The following KCNK1 variants were observed in gnomAD, a reference collection of about 807,000 sequenced individuals.
KCNK1 encodes potassium two pore domain channel subfamily K member 1, also known as potassium channel subfamily K member 1.
Under a neutral mutation model 22.2 loss-of-function variants are expected in KCNK1, and 10 were observed. That is an observed-to-expected ratio of 0.45 (90% CI 0.28 to 0.76). The LOEUF is 0.76. Among genes scored for constraint, KCNK1 ranks in the 30% least tolerant of loss-of-function variants. The pLI, the probability that KCNK1 is intolerant of heterozygous loss-of-function variation, is 0.14. For synonymous variants in KCNK1, 200 were observed against 186.4 expected (o/e 1.07, Z -0.60); for missense variants, 378 against 421.0 (o/e 0.90, Z 0.89).
chr1:233,667,425 G>A (rs1658511466), intron 2 of KCNK1, among the ~76,000 whole-genome samples: 1 of 152,050 alleles, frequency 6.6e-6, no homozygotes, highest in African/African-American at 2.4e-5. Context: ...CGTTATAAAT[G>A]ACAGTGTAAA....
rs1368537090 is a variant in KCNK1, at chr1:233,663,829, CT to C, written c.356-2757del. The stretch of plus-strand genomic sequence containing the variant: ...CATTTGCGAATCGCTTTTCAGTTGG[CT>C]TTTTTTTTGCGGGGGGGTGGGGACA... On this transcript the variant is annotated intron_variant, in intron 1 of 2. Transcript: ENST00000366621. 3.3e-5 allele frequency among the ~76,000 whole-genome samples: 5 copies of C among 150,062 alleles called. No individual in the cohort carries two copies. The South Asian group carries it at 6.4e-4, about 19-fold the overall frequency.
chr1:233,670,809 T>C (rs1658583322), intron 2 of KCNK1, among the ~76,000 whole-genome samples: 1 of 152,184 alleles, frequency 6.6e-6, no homozygotes, highest in Admixed American at 6.5e-5. Context: ...ATAATAGAAA[T>C]TGTAAGAGTA....
chr1:233,618,384 G>GTT (rs201768311), intron 1 of KCNK1, among the ~76,000 whole-genome samples: 42 of 146,772 alleles, frequency 2.9e-4, no homozygotes, highest in Middle Eastern at 3.5e-3. Context: ...TCTATACTGT[G>GTT]TTTTTTTTTT....
At chr1:233,621,026 C>T (rs78490067) in intron 1 of KCNK1, among the ~76,000 whole-genome samples, 2,236 of 152,210 alleles carry the variant, frequency 0.015, 61 homozygotes, top group African/African-American at 0.05. Flanking sequence ...GTCCCAAAGC[C>T]GGAAGTGACA....
At chr1:233,615,570 C>A (rs1232927625) in intron 1 of KCNK1, among the ~76,000 whole-genome samples, 3 of 152,192 alleles carry the variant, frequency 2.0e-5, no homozygotes, top group South Asian at 4.1e-4. Context: ...TTGAAATAAT[C>A]CATCTCGTCA....
At chr1:233,636,963 A>C (rs1329462318) in intron 1 of KCNK1, among the ~76,000 whole-genome samples, 1 of 152,002 alleles carries the variant, frequency 6.6e-6, no homozygotes, top group South Asian at 2.1e-4. Flanking sequence ...TTGGGAGGCC[A>C]TGGCGGGAGG....
intron 1 of KCNK1, among the ~76,000 whole-genome samples, chr1:233,655,219 ATTCTT>A (rs1658269720): frequency 2.0e-5 from 3 of 152,090 alleles, no homozygotes; most frequent in Admixed American, 6.5e-5. Flanking sequence ...CTTTCTTTCT[ATTCTT>A]TTCTTTCTTT....
chr1:233,650,113 C>G (rs2102900849), intron 1 of KCNK1: 1 of 508,524 alleles, frequency 2.0e-6, no homozygotes, highest in Admixed American at 2.1e-5. Context: ...GGAGAGGAGA[C>G]CTACAGTTCT....
chr1:233,644,817 G>T (rs770065074), intron 1 of KCNK1, among the ~76,000 whole-genome samples: 37 of 152,178 alleles, frequency 2.4e-4, no homozygotes, highest in Non-Finnish European at 4.4e-4. Flanking sequence ...GCCAGATCTT[G>T]TAGAGTTCTG....
At chr1:233,638,742 C>T (rs1657955014) in intron 1 of KCNK1, among the ~76,000 whole-genome samples, 1 of 152,156 alleles carries the variant, frequency 6.6e-6, no homozygotes, top group East Asian at 1.9e-4. Context: ...AGCTCTGCAT[C>T]CATGGGCTCG....
intron 1 of KCNK1, among the ~76,000 whole-genome samples, chr1:233,651,277 G>A (rs956654961): frequency 3.9e-4 from 59 of 152,258 alleles, no homozygotes; most frequent in African/African-American, 1.3e-3. Flanking sequence ...CCTACAGCAC[G>A]AATTTAAAAA....
chr1:233,661,312 G>A (rs1002656260), intron 1 of KCNK1, among the ~76,000 whole-genome samples: 1 of 152,202 alleles, frequency 6.6e-6, no homozygotes, highest in African/African-American at 2.4e-5. Context: ...TAGCTTTTAA[G>A]TGTGGTGTAT....
At chr1:233,628,132 C>G (rs563915034) in intron 1 of KCNK1, among the ~76,000 whole-genome samples, 3 of 152,332 alleles carry the variant, frequency 2.0e-5, no homozygotes, top group African/African-American at 7.2e-5. Context: ...TACACAAGCT[C>G]AGCTAAGGGT....
chr1:233,646,346 C>T (rs926032683), intron 1 of KCNK1, among the ~76,000 whole-genome samples: 3 of 152,050 alleles, frequency 2.0e-5, no homozygotes, highest in Non-Finnish European at 4.4e-5. Flanking sequence ...AAGAACTCTC[C>T]AGGTGAGGCT....
intron 1 of KCNK1, among the ~76,000 whole-genome samples, chr1:233,651,061 A>C (rs984877128): frequency 6.6e-6 from 1 of 152,218 alleles, no homozygotes; most frequent in Non-Finnish European, 1.5e-5. Flanking sequence ...CTTTGGGACC[A>C]AGCAAGAGCT....
At chr1:233,625,136 G>A (rs1657665146) in intron 1 of KCNK1, among the ~76,000 whole-genome samples, 1 of 152,172 alleles carries the variant, frequency 6.6e-6, no homozygotes, top group Non-Finnish European at 1.5e-5. Context: ...TTTATGCTTA[G>A]GTTCAACAAA....
At chr1:233,626,295 GTTC>G (rs907717213) in intron 1 of KCNK1, among the ~76,000 whole-genome samples, 3 of 152,150 alleles carry the variant, frequency 2.0e-5, no homozygotes, top group Non-Finnish European at 4.4e-5. Flanking sequence ...TGGCAATGTG[GTTC>G]TTCTTTACAG....
intron 1 of KCNK1, among the ~76,000 whole-genome samples, chr1:233,641,950 T>C (rs777080729): frequency 6.6e-6 from 1 of 152,112 alleles, no homozygotes; most frequent in Non-Finnish European, 1.5e-5. Flanking sequence ...TGAATAAAAT[T>C]TGTTGATATC....
intron 1 of KCNK1, among the ~76,000 whole-genome samples, chr1:233,623,292 G>A (rs920438035): frequency 2.0e-5 from 3 of 152,116 alleles, no homozygotes; most frequent in Non-Finnish European, 4.4e-5. Flanking sequence ...AGGGTACGGG[G>A]AGGGGGGATG....
Sources: gnomAD v4.1 joint callset for allele counts (sites outside exome capture counted in the v4.1 genomes callset) on GRCh38, gnomAD v4.1.1 for gene constraint, MANE v1.5 for transcripts, NCBI Gene and HGNC (gene_info 2026-07-23, HGNC 2026-07-21) for gene names.